Variants in NRG3 observed in about 807,000 individuals in gnomAD.
NRG3 encodes pro-neuregulin-3, membrane-bound isoform.
A neutral mutation model predicts 66.9 loss-of-function variants in NRG3; 31 were observed. The ratio of observed to expected loss-of-function variants is 0.46; its 90% CI spans 0.35 to 0.63. The LOEUF (loss-of-function observed/expected upper bound fraction) is 0.63. Among genes scored for constraint, NRG3 ranks in the 20% least tolerant of loss-of-function variants. The probability of loss-of-function intolerance (pLI) is 0.00; values close to 1 mark genes in which losing one functional copy is unlikely to be tolerated. For missense variants in NRG3, 910 were observed against 878.9 expected, an observed-to-expected ratio of 1.04 and a Z score of -0.45; for synonymous variants, 393 against 359.4, an observed-to-expected ratio of 1.09 and a Z score of -1.06.
chr10:82,112,691 A>G (rs756225757), intron 1 of NRG3, among the ~76,000 whole-genome samples: 38 of 152,180 alleles, frequency 2.5e-4, no homozygotes, highest in Non-Finnish European at 4.7e-4. Context: ...AATTTAGGTG[A>G]CATTCTGAAG....
chr10:81,966,974 A>G (rs2059754127), intron 1 of NRG3, among the ~76,000 whole-genome samples: 1 of 152,100 alleles, frequency 6.6e-6, no homozygotes, highest in Non-Finnish European at 1.5e-5. Context: ...ATTGCTTTTA[A>G]TAGGAGATAG....
chr10:82,467,379 C>T (rs889725383), intron 2 of NRG3, among the ~76,000 whole-genome samples: 23 of 152,216 alleles, frequency 1.5e-4, no homozygotes, highest in African/African-American at 5.1e-4. Flanking sequence ...ATCTCTTCCA[C>T]GCTGCCAAAC....
intron 1 of NRG3, among the ~76,000 whole-genome samples, chr10:82,086,297 T>A (rs2133462182): frequency 6.6e-6 from 1 of 152,240 alleles, no homozygotes; most frequent in Non-Finnish European, 1.5e-5. Flanking sequence ...ATCCATATTT[T>A]ACAGAAAACT....
intron 4 of NRG3, among the ~76,000 whole-genome samples, chr10:82,889,960 G>C (rs1162441283): frequency 6.6e-6 from 1 of 152,124 alleles, no homozygotes; most frequent in Non-Finnish European, 1.5e-5. Context: ...GACAAAGATA[G>C]CTCGTGACAT....
chr10:82,141,612 A>G (rs2069789693), intron 1 of NRG3, among the ~76,000 whole-genome samples: 1 of 152,070 alleles, frequency 6.6e-6, no homozygotes, highest in Non-Finnish European at 1.5e-5. Context: ...GCATTGTAGT[A>G]TCAGCACCCT....
intron 2 of NRG3, among the ~76,000 whole-genome samples, chr10:82,551,981 G>T (rs1422230241): frequency 6.6e-6 from 1 of 151,778 alleles, no homozygotes; most frequent in Non-Finnish European, 1.5e-5. Flanking sequence ...ATTGTTGAGG[G>T]ACTGGGCCCA....
At chr10:82,303,093 T>C (rs2080500590) in intron 1 of NRG3, among the ~76,000 whole-genome samples, 1 of 152,092 alleles carries the variant, frequency 6.6e-6, no homozygotes, top group African/African-American at 2.4e-5. Flanking sequence ...TGGAAATATC[T>C]CTATTTTCTT....
chr10:82,486,875 G>A (rs977317115), intron 2 of NRG3, among the ~76,000 whole-genome samples: 12 of 151,896 alleles, frequency 7.9e-5, no homozygotes, highest in South Asian at 4.1e-4. Context: ...TAAATCAGCC[G>A]AACCCACAGA....
intron 4 of NRG3, among the ~76,000 whole-genome samples, chr10:82,865,765 G>T (rs1840660300): frequency 6.6e-6 from 1 of 152,092 alleles, no homozygotes; most frequent in Admixed American, 6.5e-5. Flanking sequence ...TCCTGCACAT[G>T]TAAATTGCTT....
At chr10:82,641,575 G>A (rs2050583922) in intron 2 of NRG3, among the ~76,000 whole-genome samples, 1 of 152,076 alleles carries the variant, frequency 6.6e-6, no homozygotes, top group Non-Finnish European at 1.5e-5. Flanking sequence ...AAGAAAAGTA[G>A]GGCCCATCAA....
intron 8 of NRG3, among the ~76,000 whole-genome samples, chr10:82,981,957 G>T (rs1307272259): frequency 6.6e-6 from 1 of 152,152 alleles, no homozygotes; most frequent in Admixed American, 6.5e-5. Context: ...TTATTCTTTA[G>T]AAATTTTATT....
intron 4 of NRG3, among the ~76,000 whole-genome samples, chr10:82,871,449 A>G (rs1447119441): frequency 6.6e-6 from 1 of 152,156 alleles, no homozygotes; most frequent in Non-Finnish European, 1.5e-5. Flanking sequence ...ATGAAGATAC[A>G]CAATGTAACT....
intron 2 of NRG3, among the ~76,000 whole-genome samples, chr10:82,409,156 T>A (rs10787129): frequency 0.44 from 66,473 of 152,046 alleles, 17,769 homozygotes; most frequent in Non-Finnish European, 0.58. Context: ...GAGCAAGTTA[T>A]CAAGACTATC....
chr10:82,587,034 TC>T (rs1304817491), intron 2 of NRG3, among the ~76,000 whole-genome samples: 2 of 152,192 alleles, frequency 1.3e-5, no homozygotes, highest in Non-Finnish European at 2.9e-5. Flanking sequence ...CCCTCAGGTG[TC>T]CATGCCTATT....
At chr10:82,140,297 A>G (rs2069674441) in intron 1 of NRG3, among the ~76,000 whole-genome samples, 1 of 151,882 alleles carries the variant, frequency 6.6e-6, no homozygotes, top group Non-Finnish European at 1.5e-5. Flanking sequence ...ATCATTTTCT[A>G]TTTTTCTCAG....
intron 1 of NRG3, among the ~76,000 whole-genome samples, chr10:81,908,462 G>A (rs1304608436): frequency 6.6e-6 from 1 of 152,104 alleles, no homozygotes; most frequent in African/African-American, 2.4e-5. Context: ...ACCCACTTCT[G>A]TGCCAAGGAG....
intron 1 of NRG3, among the ~76,000 whole-genome samples, chr10:82,094,839 T>G (rs2066235430): frequency 6.6e-6 from 1 of 152,118 alleles, no homozygotes. Flanking sequence ...CTAAATAATG[T>G]GTAGAAATGG....
At chr10:82,946,555 A>C (rs1290532653) in intron 4 of NRG3, among the ~76,000 whole-genome samples, 5 of 151,918 alleles carry the variant, frequency 3.3e-5, no homozygotes, top group African/African-American at 1.2e-4. Flanking sequence ...AAAAGCCAGC[A>C]GAAGAATAAA....
At chr10:82,768,433 T>G (rs1438613369) in intron 3 of NRG3, among the ~76,000 whole-genome samples, 1 of 152,068 alleles carries the variant, frequency 6.6e-6, no homozygotes, top group Non-Finnish European at 1.5e-5. Context: ...TAGTGACCTA[T>G]TTTTTTATAC....
Sources: gnomAD v4.1 joint callset for allele counts (sites outside exome capture counted in the v4.1 genomes callset) on GRCh38, gnomAD v4.1.1 for gene constraint, MANE v1.5 for transcripts, NCBI Gene and HGNC (gene_info 2026-07-23, HGNC 2026-07-21) for gene names.